CHRNA7: variants seen among roughly 807,000 people sequenced by gnomAD.
CHRNA7 encodes cholinergic receptor nicotinic alpha 7 subunit, also known as neuronal acetylcholine receptor subunit alpha-7.
In CHRNA7, 17 loss-of-function variants were observed where a neutral mutation model predicts 48.0. That is an observed-to-expected ratio of 0.35 (90% confidence interval 0.24 to 0.53). CHRNA7 has a LOEUF of 0.53. Ranked by LOEUF, CHRNA7 falls within the 20% of genes least tolerant of loss-of-function variation. The probability of loss-of-function intolerance (pLI) is 0.92; values close to 1 mark genes in which losing one functional copy is unlikely to be tolerated. For missense variants in CHRNA7, 155 were observed against 577.7 expected (o/e 0.27, Z 7.50); for synonymous variants, 75 against 242.3 (o/e 0.31, Z 6.41).
At chr15:32,034,871 G>A (rs1008307901) in intron 2 of CHRNA7, among the ~76,000 whole-genome samples, 1 of 152,164 alleles carries the variant, frequency 6.6e-6, no homozygotes, top group South Asian at 2.1e-4. Context: ...TTAAACAGGG[G>A]AGGGAAGTAA....
intron 2 of CHRNA7, among the ~76,000 whole-genome samples, chr15:32,098,095 T>C (rs1024031113): frequency 3.9e-5 from 6 of 152,088 alleles, no homozygotes; most frequent in African/African-American, 1.4e-4. Context: ...CACTCAGAGG[T>C]GTGGCCACCA....
intron 2 of CHRNA7, among the ~76,000 whole-genome samples, chr15:32,032,910 A>G (rs1901912903): frequency 6.6e-6 from 1 of 152,230 alleles, no homozygotes; most frequent in African/African-American, 2.4e-5. Context: ...CCAAGTTATT[A>G]TGAGGAGCTC....
chr15:32,039,387 CT>C (rs2049407796), intron 2 of CHRNA7, among the ~76,000 whole-genome samples: 1 of 152,058 alleles, frequency 6.6e-6, no homozygotes, highest in Admixed American at 6.6e-5. Context: ...CATTTCAATA[CT>C]GTATTCAGGG....
intron 2 of CHRNA7, among the ~76,000 whole-genome samples, chr15:32,096,278 T>C (rs1402219159): frequency 1.3e-5 from 2 of 152,222 alleles, no homozygotes; most frequent in Admixed American, 1.3e-4. Flanking sequence ...TGATATTTAT[T>C]GATATCCTCT....
chr15:32,105,475 GAGGAGGAAAGGAGGAGGAGAGGAGGAA>G (rs1322248801), intron 3 of CHRNA7, among the ~76,000 whole-genome samples: 2 of 137,368 alleles, frequency 1.5e-5, no homozygotes, highest in Non-Finnish European at 3.2e-5. Flanking sequence ...AAGAGGAGGA[GAGGAGGAAAGGAGGAGGAGAGGAGGAA>G]AGGAGGAGGA....
At chr15:32,137,274 C>T (rs1434659864) in intron 4 of CHRNA7, among the ~76,000 whole-genome samples, 5 of 150,958 alleles carry the variant, frequency 3.3e-5, no homozygotes, top group African/African-American at 9.8e-5. Context: ...AAAGGATGAA[C>T]GCAAAAAAGG....
chr15:32,114,046 A>ATATATATATATATATATATATG (rs1566848881), intron 4 of CHRNA7, among the ~76,000 whole-genome samples: 4 of 44,750 alleles, frequency 8.9e-5, no homozygotes, highest in African/African-American at 2.7e-4. Flanking sequence ...ATATATATGT[A>ATATATATATATATATATATATG]TATATATATA....
chr15:32,114,250 T>C (rs2050829831), intron 4 of CHRNA7, among the ~76,000 whole-genome samples: 1 of 151,976 alleles, frequency 6.6e-6, no homozygotes, highest in East Asian at 1.9e-4. Flanking sequence ...GTGTAGGATC[T>C]TTAACTCCAA....
At chr15:32,084,444 G>T (rs1465479490) in intron 2 of CHRNA7, among the ~76,000 whole-genome samples, 1 of 152,206 alleles carries the variant, frequency 6.6e-6, no homozygotes. Flanking sequence ...GCGGCAATGT[G>T]CATGAGCACA....
intron 2 of CHRNA7, among the ~76,000 whole-genome samples, chr15:32,041,378 T>C (rs2049445243): frequency 6.6e-6 from 1 of 152,216 alleles, no homozygotes; most frequent in Admixed American, 6.5e-5. Context: ...TGTCAGGCAT[T>C]CATTAGATTC....
At chr15:32,037,549 T>C (rs531692150) in intron 2 of CHRNA7, among the ~76,000 whole-genome samples, 1 of 152,018 alleles carries the variant, frequency 6.6e-6, no homozygotes, top group South Asian at 2.1e-4. Context: ...TTCATGAACA[T>C]AGAACAGCTC....
chr15:32,083,303 C>T (rs1274012186), intron 2 of CHRNA7, among the ~76,000 whole-genome samples: 1 of 152,152 alleles, frequency 6.6e-6, no homozygotes, highest in African/African-American at 2.4e-5. Context: ...TGCTCTCTCT[C>T]GAGTACTCTC....
At chr15:32,076,565 C>G (rs1389193172) in intron 2 of CHRNA7, among the ~76,000 whole-genome samples, 3 of 152,096 alleles carry the variant, frequency 2.0e-5, no homozygotes, top group Non-Finnish European at 2.9e-5. Flanking sequence ...ATATAAGTTT[C>G]TTGTAGACAG....
At chr15:32,104,869 T>A (rs1170091498) in intron 3 of CHRNA7, among the ~76,000 whole-genome samples, 1 of 152,246 alleles carries the variant, frequency 6.6e-6, no homozygotes, top group East Asian at 1.9e-4. Flanking sequence ...AACGCTGCTG[T>A]TGACATTTTT....
chr15:32,132,990 G>C (rs2051181998), intron 4 of CHRNA7, among the ~76,000 whole-genome samples: 1 of 152,156 alleles, frequency 6.6e-6, no homozygotes, highest in African/African-American at 2.4e-5. Context: ...CTCTGGTGTG[G>C]ACTTTGGGCA....
intron 2 of CHRNA7, among the ~76,000 whole-genome samples, chr15:32,050,434 G>C (rs1052560475): frequency 6.6e-6 from 1 of 151,998 alleles, no homozygotes; most frequent in Non-Finnish European, 1.5e-5. Context: ...CCAGTTGATC[G>C]CATCGGCTCC....
intron 2 of CHRNA7, among the ~76,000 whole-genome samples, chr15:32,033,603 C>T (rs1901946465): frequency 6.6e-6 from 1 of 152,218 alleles, no homozygotes; most frequent in African/African-American, 2.4e-5. Flanking sequence ...CTCTATCAGA[C>T]ATAACAAAAT....
intron 2 of CHRNA7, among the ~76,000 whole-genome samples, chr15:32,070,454 CA>C (rs912587902): frequency 4.0e-5 from 6 of 149,814 alleles, no homozygotes; most frequent in African/African-American, 4.9e-5. Context: ...TATTTTCCAG[CA>C]AAAAAAAAGT....
At chr15:32,061,578 G>T (rs563705333) in intron 2 of CHRNA7, among the ~76,000 whole-genome samples, 2 of 152,094 alleles carry the variant, frequency 1.3e-5, no homozygotes, top group Admixed American at 6.6e-5. Context: ...GAGGCCGAGG[G>T]GGGTGAATCA....
Sources: allele counts gnomAD v4.1 joint callset (sites outside exome capture counted in the v4.1 genomes callset), GRCh38; gene constraint gnomAD v4.1.1; transcripts MANE v1.5; gene names NCBI Gene and HGNC (gene_info 2026-07-23, HGNC 2026-07-21).